Variants in IGSF21 observed in about 807,000 individuals in gnomAD.
IGSF21 encodes the protein immunoglobin superfamily member 21.
In IGSF21, 28 loss-of-function variants were observed where a neutral mutation model predicts 46.8. The ratio of observed to expected loss-of-function variants is 0.60; its 90% CI spans 0.44 to 0.82. IGSF21 has a LOEUF of 0.82. Ranked by LOEUF, IGSF21 falls within the 40% of genes least tolerant of loss-of-function variation. The pLI, the probability that IGSF21 is intolerant of heterozygous loss-of-function variation, is 0.00. For missense variants in IGSF21, 624 were observed against 665.5 expected, an observed-to-expected ratio of 0.94 and a Z score of 0.69; for synonymous variants, 284 against 273.6, an observed-to-expected ratio of 1.04 and a Z score of -0.38.
At chr1:18,360,100 A>T (rs1369938240) in intron 4 of IGSF21, among the ~76,000 whole-genome samples, 1 of 152,220 alleles carries the variant, frequency 6.6e-6, no homozygotes, top group African/African-American at 2.4e-5. Context: ...AACTCAGAAC[A>T]GGTCCTGATT....
chr1:18,217,134 G>A (rs1162381600), intron 1 of IGSF21, among the ~76,000 whole-genome samples: 1 of 152,088 alleles, frequency 6.6e-6, no homozygotes, highest in Non-Finnish European at 1.5e-5. Flanking sequence ...CTGACCACCC[G>A]TCTGCCCCAG....
At chr1:18,129,899 A>G (rs1391476500) in intron 1 of IGSF21, among the ~76,000 whole-genome samples, 1 of 152,130 alleles carries the variant, frequency 6.6e-6, no homozygotes, top group Non-Finnish European at 1.5e-5. Context: ...CGCGCCTTCC[A>G]ACATGGGATG....
chr1:18,137,013 G>C (rs2086373104), intron 1 of IGSF21, among the ~76,000 whole-genome samples: 1 of 152,124 alleles, frequency 6.6e-6, no homozygotes, highest in African/African-American at 2.4e-5. Context: ...TATTCTCTTT[G>C]AAGCAATTGA....
Position 18,108,185 on chromosome 1 carries a change from G to A in IGSF21, c.57G>A (p.Leu19=). ...TCTGCCTGCTGCTCGCCGCGATCCTGGACCTGGCGCGCGGTGAGTGCGCGG... is the reference window on the plus strand; with the variant it reads ...TCTGCCTGCTGCTCGCCGCGATCCTAGACCTGGCGCGCGGTGAGTGCGCGG... ...RCVCLLLAAI[L]DLARGYLTVN... is the part of the protein sequence containing the mutation. The change falls in exon 1 of 10, where the codon CTG becomes CTA. Residue 19 remains leucine (L), a synonymous_variant. Coordinates refer to ENST00000251296, the MANE Select transcript of IGSF21 (RefSeq NM_032880.5). 1 of 1,439,448 alleles carries A rather than the reference G, an allele frequency of 6.9e-7. No individual in the cohort carries two copies. The allele number at this position is 1,439,448 out of a possible 1,614,324, so 89.2% of individuals were successfully genotyped here.
chr1:18,193,506 A>C (rs10907292), intron 1 of IGSF21, among the ~76,000 whole-genome samples: 56,220 of 152,084 alleles, frequency 0.37, 10,613 homozygotes, highest in African/African-American at 0.42. Flanking sequence ...GTTCCAAAAC[A>C]GAGGAACTTG....
rs2085495084 is a variant in IGSF21, at chr1:18,312,197, G to A, written c.305+20210G>A. 2.0e-5 allele frequency among the ~76,000 whole-genome samples: 3 copies of A among 152,168 alleles called. No homozygotes were observed. In the East Asian group the frequency reaches 5.8e-4, roughly 29 times the overall value. ...CAGCTCCATCTTTAGCACCTGGTAG[G>A]TTGCCTGAGGCAGTCAATGCATATC... On this transcript the variant is annotated intron_variant, in intron 3 of 9. Coordinates refer to ENST00000251296, the MANE Select transcript of IGSF21 (RefSeq NM_032880.5).
intron 1 of IGSF21, among the ~76,000 whole-genome samples, chr1:18,173,839 G>C (rs925622002): frequency 2.6e-5 from 4 of 152,168 alleles, no homozygotes; most frequent in African/African-American, 4.8e-5. Flanking sequence ...TTGCAACCTC[G>C]GTCTCCCAGG....
intron 1 of IGSF21, among the ~76,000 whole-genome samples, chr1:18,148,174 A>G (rs1570268311): frequency 8.5e-6 from 1 of 117,886 alleles, no homozygotes; most frequent in African/African-American, 3.3e-5. Context: ...TCTGTCGCCC[A>G]GGCTGGAGTG....
At chr1:18,236,975 A>G (rs16861728) in intron 2 of IGSF21, among the ~76,000 whole-genome samples, 32,449 of 152,108 alleles carry the variant, frequency 0.21, 3,940 homozygotes, top group East Asian at 0.27. Flanking sequence ...TGGCCTTGAG[A>G]TTTTGTCTAG....
At chr1:18,277,171 G>C (rs1405787660) in intron 2 of IGSF21, among the ~76,000 whole-genome samples, 1 of 152,202 alleles carries the variant, frequency 6.6e-6, no homozygotes, top group Non-Finnish European at 1.5e-5. Context: ...CCTGCATCGT[G>C]CAGGACAAAG....
intron 3 of IGSF21, among the ~76,000 whole-genome samples, chr1:18,333,870 C>G (rs1459277549): frequency 6.6e-6 from 1 of 152,086 alleles, no homozygotes; most frequent in Non-Finnish European, 1.5e-5. Context: ...ACTGAGAATG[C>G]TTTTTATACT....
chr1:18,372,153 G>A (rs949184884), intron 6 of IGSF21, among the ~76,000 whole-genome samples: 3 of 152,172 alleles, frequency 2.0e-5, no homozygotes, highest in Admixed American at 1.3e-4. Flanking sequence ...AGTTCACAGA[G>A]TACAGGGCTC....
chr1:18,337,601 G>C lies in IGSF21; in HGVS notation c.424+2591G>C, dbSNP rs1256790720. 1.3e-5 allele frequency among the ~76,000 whole-genome samples: 2 copies of C among 151,788 alleles called. No individual in the cohort carries two copies. Among genetic ancestry groups the C allele is most frequent in the African/African-American group, 2.4e-5 (1 of 41,310 alleles). On this transcript the variant is annotated intron_variant, in intron 4 of 9. Coordinates refer to ENST00000251296, the MANE Select transcript of IGSF21 (RefSeq NM_032880.5). This position sits in a 1 kb window ranked among gnomAD's most constrained non-coding sequence, Gnocchi z 5.7. Reference sequence around the variant, plus strand: ...ACGCACCGTGGCAACCTGGAAGCCAGGGTGTGTCTCTGGGAGTGGCAGAGA... The same window carrying C: ...ACGCACCGTGGCAACCTGGAAGCCACGGTGTGTCTCTGGGAGTGGCAGAGA...
At chr1:18,234,394 T>C (rs956580630) in intron 2 of IGSF21, among the ~76,000 whole-genome samples, 1 of 152,198 alleles carries the variant, frequency 6.6e-6, no homozygotes, top group Non-Finnish European at 1.5e-5. Context: ...CACCAAACAA[T>C]AGTTGATTTT....
At chr1:18,149,766 C>T (rs1294529273) in intron 1 of IGSF21, among the ~76,000 whole-genome samples, 2 of 152,020 alleles carry the variant, frequency 1.3e-5, no homozygotes, top group Non-Finnish European at 2.9e-5. Context: ...GGCTTTGTGA[C>T]CTTGGGGAGT....
chr1:18,359,566 C>T (rs1259931360), intron 4 of IGSF21, among the ~76,000 whole-genome samples: 1 of 151,956 alleles, frequency 6.6e-6, no homozygotes, highest in African/African-American at 2.4e-5. Context: ...TCTGTTTGCT[C>T]AGTGAAGATA....
chr1:18,143,954 G>A (rs1289801594), intron 1 of IGSF21, among the ~76,000 whole-genome samples: 1 of 152,028 alleles, frequency 6.6e-6, no homozygotes, highest in East Asian at 1.9e-4. Context: ...ATCAGATTTG[G>A]GACCTCCCCA....
At chr1:18,205,118 G>A (rs528489246) in intron 1 of IGSF21, among the ~76,000 whole-genome samples, 1 of 151,258 alleles carries the variant, frequency 6.6e-6, no homozygotes, top group East Asian at 2.0e-4. Flanking sequence ...GAGGAATGGG[G>A]GAGAGAAGAA....
intron 1 of IGSF21, among the ~76,000 whole-genome samples, chr1:18,149,058 G>A (rs964664671): frequency 6.6e-6 from 1 of 152,216 alleles, no homozygotes; most frequent in Non-Finnish European, 1.5e-5. Flanking sequence ...CAGGCTAAGT[G>A]CATGGAGCAG....
Sources: allele counts gnomAD v4.1 joint callset (sites outside exome capture counted in the v4.1 genomes callset), GRCh38; gene constraint gnomAD v4.1.1; non-coding constraint Gnocchi (gnomAD v3.1); transcripts MANE v1.5; gene names NCBI Gene and HGNC (gene_info 2026-07-23, HGNC 2026-07-21).